Variants in ALDH2 observed in about 807,000 individuals in gnomAD.
ALDH2 encodes aldehyde dehydrogenase, mitochondrial.
A neutral mutation model predicts 59.6 loss-of-function variants in ALDH2; 44 were observed. The observed-to-expected ratio is 0.74, with a 90% CI of 0.58 to 0.95. The LOEUF is 0.95. Ranked by LOEUF, ALDH2 falls within the 40% of genes least tolerant of loss-of-function variation. The pLI, the probability that ALDH2 is intolerant of heterozygous loss-of-function variation, is 0.00. For missense variants in ALDH2, 570 were observed against 696.3 expected (o/e 0.82, Z 2.04); for synonymous variants, 291 against 284.0 (o/e 1.02, Z -0.25).
rs1469485981 is a variant in ALDH2, at chr12:111,766,953, G to C, written c.-30G>C. 8 of 1,511,200 alleles carry C rather than the reference G, an allele frequency of 5.3e-6. No homozygotes were observed. Among genetic ancestry groups the C allele is most frequent in the South Asian group, 4.9e-5 (4 of 82,138 alleles). 93.6% of individuals were successfully genotyped at this position (1,511,200 alleles called of 1,614,324 possible). On this transcript the variant is annotated 5_prime_UTR_variant, in exon 1 of 13. Transcript: ENST00000261733. ...GCCCTGAGACCCTAGCTCTGCTCTCGGTCCGCTCGCTGTCCGCTAGCCCGC... is the reference window on the plus strand; with the variant it reads ...GCCCTGAGACCCTAGCTCTGCTCTCCGTCCGCTCGCTGTCCGCTAGCCCGC...
At position 111,792,495 on chromosome 12, in the gene ALDH2, A is replaced by G. The variant is rs897642530; in HGVS notation, c.899-103A>G. 13 of 1,337,624 alleles carry G rather than the reference A, an allele frequency of 9.7e-6. No homozygotes were observed. The South Asian group carries it at 1.9e-4, about 19-fold the overall frequency. The allele number at this position is 1,337,624 out of a possible 1,614,324, so 82.9% of individuals were successfully genotyped here. On this transcript the variant is annotated intron_variant, in intron 8 of 12. Transcript: ENST00000261733. Reference sequence around the variant, plus strand: ...CTGTCTCTGGCACCCAGCAGGCATCAACCCTTACAGTGGTGGGAACAGGCT... The same window carrying G: ...CTGTCTCTGGCACCCAGCAGGCATCGACCCTTACAGTGGTGGGAACAGGCT...
chr12:111,774,449 C>T (rs1308327288), intron 1 of ALDH2, among the ~76,000 whole-genome samples: 1 of 152,126 alleles, frequency 6.6e-6, no homozygotes, highest in Non-Finnish European at 1.5e-5. Context: ...TGGGATCATC[C>T]CAGGCTGCAA....
At chr12:111,806,332 A>G (rs1370563420) in intron 12 of ALDH2, among the ~76,000 whole-genome samples, 1 of 145,038 alleles carries the variant, frequency 6.9e-6, no homozygotes, top group Non-Finnish European at 1.5e-5. Flanking sequence ...AAAAAAAAAA[A>G]GAAAAAACAA....
intron 1 of ALDH2, among the ~76,000 whole-genome samples, chr12:111,772,094 G>A (rs1315697082): frequency 1.3e-5 from 2 of 151,410 alleles, no homozygotes; most frequent in Admixed American, 6.6e-5. Flanking sequence ...GTGACACTTC[G>A]TCTGAAAAAA....
chr12:111,790,063 A>G (rs909314522), intron 5 of ALDH2, 129 bp downstream of exon 5: 1 of 801,834 alleles, frequency 1.2e-6, no homozygotes, highest in South Asian at 1.7e-5. Flanking sequence ...GGGCTCTGAC[A>G]AAGCCAATCC....
chr12:111,774,571 T>G (rs1169131434), intron 1 of ALDH2, among the ~76,000 whole-genome samples: 1 of 152,148 alleles, frequency 6.6e-6, no homozygotes, highest in Non-Finnish European at 1.5e-5. Flanking sequence ...ACTGAAATCT[T>G]TCTAGAATGT....
At chr12:111,776,296 G>C (rs1362980654) in intron 1 of ALDH2, among the ~76,000 whole-genome samples, 1 of 152,200 alleles carries the variant, frequency 6.6e-6, no homozygotes, top group African/African-American at 2.4e-5. Context: ...AGCTACGAGA[G>C]AGCTGCAGGA....
chr12:111,794,694 A>G (rs1208702776), intron 9 of ALDH2, among the ~76,000 whole-genome samples: 3 of 151,886 alleles, frequency 2.0e-5, no homozygotes, highest in African/African-American at 7.3e-5. Flanking sequence ...TTTTATAGAG[A>G]TGAGGTCTTG....
chr12:111,772,998 C>G (rs2068212297), intron 1 of ALDH2, among the ~76,000 whole-genome samples: 1 of 145,176 alleles, frequency 6.9e-6, no homozygotes, highest in Non-Finnish European at 1.5e-5. Context: ...GTGGCTCATG[C>G]CTGTAATCCC....
At chr12:111,795,589 T>A (rs537046626) in intron 9 of ALDH2, among the ~76,000 whole-genome samples, 1 of 137,116 alleles carries the variant, frequency 7.3e-6, no homozygotes, top group African/African-American at 2.8e-5. Flanking sequence ...GTCCTAACAT[T>A]TCTTTTCTTT....
At chr12:111,775,685 C>T (rs1369724465) in intron 1 of ALDH2, 1 of 455,778 alleles carries the variant, frequency 2.2e-6, no homozygotes. Flanking sequence ...GACATCCCCC[C>T]ACCACGCCCC....
intron 9 of ALDH2, among the ~76,000 whole-genome samples, chr12:111,793,653 T>C (rs922092479): frequency 6.6e-6 from 1 of 152,008 alleles, no homozygotes; most frequent in African/African-American, 2.4e-5. Context: ...TGCAGTGCAG[T>C]GGCACGATCT....
In ALDH2 at chr12:111,809,726, AT is replaced by A; in HGVS notation, c.*153del. On this transcript the variant is annotated 3_prime_UTR_variant, in exon 13 of 13. Transcript: ENST00000261733. ...GGGTCAAGAAAGTTCTAGAATTTGA[AT>A]TGATAAACATGGTGGGTTGGCTGAG... 1.2e-6 allele frequency: 1 copy of A among 831,108 alleles called. No individual in the cohort carries two copies. The highest frequency in any genetic ancestry group is 1.9e-6 in the Non-Finnish European group (1 of 524,238). 51.5% of individuals were successfully genotyped at this position (831,108 alleles called of 1,614,324 possible). A position where few individuals can be genotyped will look rare whatever the true frequency, so the allele number is the denominator to read the frequency against.
Position 111,774,312 on chromosome 12 carries a change from G to A in ALDH2, c.114+7216G>A, listed in dbSNP as rs541846943. On this transcript the variant is annotated intron_variant, in intron 1 of 12. Coordinates refer to ENST00000261733, the MANE Select transcript of ALDH2 (RefSeq NM_000690.4). ...GGATTATGTGTGGGGAAGAGGGAAT[G>A]TGTGTGGCATTCCGTGTTTGTCTTG... Among the ~76,000 whole-genome samples, 13 of 152,294 alleles carry A rather than the reference G, an allele frequency of 8.5e-5. No homozygotes were observed. In the South Asian group the frequency reaches 2.7e-3, roughly 32 times the overall value.
intron 9 of ALDH2, among the ~76,000 whole-genome samples, chr12:111,796,836 T>C (rs1328249037): frequency 6.6e-6 from 1 of 152,130 alleles, no homozygotes; most frequent in Non-Finnish European, 1.5e-5. Flanking sequence ...CTCAGGGAGA[T>C]TGAAGTTGCA....
Position 111,811,807 on chromosome 12 carries a change from T to G in ALDH2, c.*2232T>G. On this transcript the variant is annotated 3_prime_UTR_variant, in exon 13 of 13. Coordinates refer to ENST00000261733, the MANE Select transcript of ALDH2 (RefSeq NM_000690.4). The stretch of plus-strand genomic sequence containing the variant: ...GGACCAGCCCCACAGGGTCGGTGGG[T>G]TTTTCTCCCCATGTGCGGAGACGAG... 6.5e-6 allele frequency: 1 copy of G among 153,808 alleles called. No homozygotes were observed. Among genetic ancestry groups the G allele is most frequent in the Non-Finnish European group, 1.4e-5 (1 of 69,366 alleles). The allele number at this position is 153,808 out of a possible 1,614,324, so 9.5% of individuals were successfully genotyped here. A position where few individuals can be genotyped will look rare whatever the true frequency, so the allele number is the denominator to read the frequency against.
intron 9 of ALDH2, among the ~76,000 whole-genome samples, chr12:111,797,616 A>C (rs921613020): frequency 1.3e-5 from 1 of 79,800 alleles, no homozygotes; most frequent in Non-Finnish European, 2.2e-5. Context: ...CAAAAATACA[A>C]AAAAAAAAAA....
At position 111,792,169 on chromosome 12, in the gene ALDH2, T is replaced by C; in HGVS notation, c.898+6T>C. The C allele has an allele frequency of 6.3e-7, 1 of 1,592,026 alleles. No individual in the cohort carries two copies. Among genetic ancestry groups the C allele is most frequent in the East Asian group, 2.2e-5 (1 of 44,580 alleles). Reference sequence around the variant, plus strand: ...CATCATGTCAGATGCCGATAGTGAGTTTCCAGCTGGAGAAGGCCTGGCCTT... The same window carrying C: ...CATCATGTCAGATGCCGATAGTGAGCTTCCAGCTGGAGAAGGCCTGGCCTT... On this transcript the variant is annotated splice_donor_region_variant and intron_variant, in intron 8 of 12. Coordinates refer to ENST00000261733, the MANE Select transcript of ALDH2 (RefSeq NM_000690.4).
At chr12:111,799,767 C>T (rs2068433813) in intron 10 of ALDH2, 139 bp from the exon 11 acceptor site, 3 of 1,039,126 alleles carry the variant, frequency 2.9e-6, no homozygotes, top group East Asian at 2.6e-5. Context: ...AGCTTGATGG[C>T]TGTTGTCTTC....
Sources: gnomAD v4.1 joint callset for allele counts (sites outside exome capture counted in the v4.1 genomes callset) on GRCh38, gnomAD v4.1.1 for gene constraint, MANE v1.5 for transcripts, NCBI Gene and HGNC (gene_info 2026-07-23, HGNC 2026-07-21) for gene names.